The following PDE4D variants were observed in gnomAD, a reference collection of about 807,000 sequenced individuals.
PDE4D encodes 3',5'-cyclic-AMP phosphodiesterase 4D.
A neutral mutation model predicts 87.4 loss-of-function variants in PDE4D; 24 were observed. That is an observed-to-expected ratio of 0.27 (90% CI 0.20 to 0.39). PDE4D has a LOEUF of 0.39. Ranked by LOEUF, PDE4D falls within the 10% of genes least tolerant of loss-of-function variation. The pLI is 1.00. For synonymous variants in PDE4D, 384 were observed against 383.2 expected (o/e 1.00, Z -0.02); for missense variants, 714 against 1,041.0 (o/e 0.69, Z 4.32).
At chr5:59,109,821 TC>T (rs1240721359) in intron 5 of PDE4D, among the ~76,000 whole-genome samples, 1 of 152,208 alleles carries the variant, frequency 6.6e-6, no homozygotes, top group Non-Finnish European at 1.5e-5. Flanking sequence ...TCCAAGAGAC[TC>T]CCAGGCTGGA....
intron 2 of PDE4D, among the ~76,000 whole-genome samples, chr5:60,082,567 T>A (rs1774070913): frequency 6.6e-6 from 1 of 152,218 alleles, no homozygotes; most frequent in Admixed American, 6.5e-5. Flanking sequence ...GCAGAGGTGA[T>A]CTGATCCATT....
chr5:60,490,417 T>G (rs760603746), upstream of PDE4D: 1 of 152,210 alleles, frequency 6.6e-6, no homozygotes, highest in Non-Finnish European at 1.5e-5. Context: ...GCTGTTTACA[T>G]TTATTTTCTT....
intron 2 of PDE4D, among the ~76,000 whole-genome samples, chr5:60,070,018 A>G (rs1185579020): frequency 6.6e-6 from 1 of 152,054 alleles, no homozygotes; most frequent in Non-Finnish European, 1.5e-5. Context: ...TGATTCTGGT[A>G]TGTTGATTTT....
At chr5:59,482,270 T>G (rs2153656673) in intron 1 of PDE4D, among the ~76,000 whole-genome samples, 1 of 152,274 alleles carries the variant, frequency 6.6e-6, no homozygotes, top group East Asian at 1.9e-4. Context: ...TTTTGGAAAG[T>G]TGCTTCAATT....
chr5:60,418,717 T>C (rs1742837462), intron 1 of PDE4D, among the ~76,000 whole-genome samples: 1 of 152,180 alleles, frequency 6.6e-6, no homozygotes, highest in Non-Finnish European at 1.5e-5. Flanking sequence ...CAAGCATTTA[T>C]CACTTGTGTT....
intron 1 of PDE4D, among the ~76,000 whole-genome samples, chr5:60,350,149 C>G (rs1034728129): frequency 6.6e-6 from 1 of 152,124 alleles, no homozygotes; most frequent in African/African-American, 2.4e-5. Context: ...GTTCACTCCA[C>G]CTGTGTTGGA....
chr5:59,887,361 T>C (rs1264980554), intron 1 of PDE4D, among the ~76,000 whole-genome samples: 1 of 152,200 alleles, frequency 6.6e-6, no homozygotes, highest in Non-Finnish European at 1.5e-5. Flanking sequence ...ATCAGTTTTC[T>C]TATTTTTAAA....
In PDE4D at chr5:59,681,692, A is replaced by G. The variant is rs181558985; in HGVS notation, c.455+211476T>C. ...AAGGTGGGTGGCTCACGAGGTCAGCAGATGGAGACCGTCCTGGCTAACACG... is the reference window on the plus strand; with the variant it reads ...AAGGTGGGTGGCTCACGAGGTCAGCGGATGGAGACCGTCCTGGCTAACACG... On this transcript the variant is annotated intron_variant, in intron 1 of 14. Coordinates refer to ENST00000340635, the MANE Select transcript of PDE4D (RefSeq NM_001104631.2). Among the ~76,000 whole-genome samples the G allele has an allele frequency of 1.2e-4, 19 of 152,170 alleles. No individual in the cohort carries two copies. The East Asian group carries it at 2.3e-3, about 19-fold the overall frequency.
intron 1 of PDE4D, among the ~76,000 whole-genome samples, chr5:59,599,779 T>G (rs1827237391): frequency 6.6e-6 from 1 of 152,182 alleles, no homozygotes; most frequent in South Asian, 2.1e-4. Context: ...GAGACTGGGT[T>G]GCTCTTCCCC....
chr5:59,264,239 T>A (rs2153537374), intron 1 of PDE4D, among the ~76,000 whole-genome samples: 1 of 152,128 alleles, frequency 6.6e-6, no homozygotes, highest in Non-Finnish European at 1.5e-5. Flanking sequence ...AACGCAGCTC[T>A]CAGTACATTA....
chr5:59,540,209 A>G (rs1314741771), intron 1 of PDE4D, among the ~76,000 whole-genome samples: 7 of 152,296 alleles, frequency 4.6e-5, no homozygotes, highest in Non-Finnish European at 7.4e-5. Context: ...ATGCAGTTCT[A>G]TCAGGCATTT....
At chr5:59,058,188 A>AATATTTCC (rs1762622066) in intron 5 of PDE4D, among the ~76,000 whole-genome samples, 1 of 152,176 alleles carries the variant, frequency 6.6e-6, no homozygotes, top group Non-Finnish European at 1.5e-5. Flanking sequence ...TCTTTTCTAT[A>AATATTTCC]ATATTTCCAT....
chr5:60,501,221 A>C (rs1220284734), intron 1 of PDE4D, among the ~76,000 whole-genome samples: 1 of 152,042 alleles, frequency 6.6e-6, no homozygotes. Flanking sequence ...TCATTGTTCA[A>C]TTCCCACCTA....
At chr5:59,751,516 G>T (rs1478641380) in intron 1 of PDE4D, among the ~76,000 whole-genome samples, 1 of 151,762 alleles carries the variant, frequency 6.6e-6, no homozygotes, top group Non-Finnish European at 1.5e-5. Flanking sequence ...CTGTTATGTG[G>T]AGTGAAGCTG....
chr5:59,051,607 C>T (rs1761562253), intron 5 of PDE4D, among the ~76,000 whole-genome samples: 1 of 152,134 alleles, frequency 6.6e-6, no homozygotes, highest in African/African-American at 2.4e-5. Context: ...TATATGTAGG[C>T]TTTTTACAGT....
intron 5 of PDE4D, among the ~76,000 whole-genome samples, chr5:59,089,469 T>C (rs529388748): frequency 2.0e-5 from 3 of 152,314 alleles, no homozygotes; most frequent in South Asian, 2.1e-4. Context: ...TAAGCATTTA[T>C]GTTGGACAGG....
At chr5:59,933,492 T>G (rs1404795761) in intron 3 of PDE4D, among the ~76,000 whole-genome samples, 1 of 152,202 alleles carries the variant, frequency 6.6e-6, no homozygotes, top group Admixed American at 6.5e-5. Context: ...ATTTTAAACT[T>G]GTACTGAGAG....
At chr5:59,494,472 A>G (rs1380620852) in intron 1 of PDE4D, among the ~76,000 whole-genome samples, 2 of 152,174 alleles carry the variant, frequency 1.3e-5, no homozygotes, top group East Asian at 3.9e-4. Context: ...AACAAAACAA[A>G]CAAACAAACA....
At chr5:59,111,432 A>G (rs1772617284) in intron 5 of PDE4D, among the ~76,000 whole-genome samples, 1 of 152,170 alleles carries the variant, frequency 6.6e-6, no homozygotes, top group Non-Finnish European at 1.5e-5. Flanking sequence ...ATAGAAAGCT[A>G]TTTAGGATCC....
Sources: allele counts gnomAD v4.1 joint callset (sites outside exome capture counted in the v4.1 genomes callset), GRCh38; gene constraint gnomAD v4.1.1; transcripts MANE v1.5; gene names NCBI Gene and HGNC (gene_info 2026-07-23, HGNC 2026-07-21).